Variants in DMD observed in about 807,000 individuals in gnomAD.
DMD encodes dystrophin, also known as mutant dystrophin.
DMD carries 63 observed loss-of-function variants against 330.1 expected under a neutral mutation model. The ratio of observed to expected loss-of-function variants is 0.19; its 90% CI spans 0.16 to 0.24. The LOEUF (loss-of-function observed/expected upper bound fraction) is 0.24, where lower values mean the gene tolerates loss of function less well. DMD is among the 10% of genes least tolerant of loss of function. DMD has a pLI of 1.00. For missense variants in DMD, 3,344 were observed against 2,684.1 expected (o/e 1.25, Z -5.43); for synonymous variants, 1,223 against 959.8 (o/e 1.27, Z -5.07).
At chrX:32,319,207 G>T (rs181421603) in intron 41 of DMD, among the ~76,000 whole-genome samples, 2 of 110,886 alleles carry the variant, frequency 1.8e-5, no homozygotes, top group Admixed American at 9.6e-5. Context: ...AAAGGGCTTT[G>T]GTTGCCACCA....
At chrX:31,646,193 C>T (rs970643209) in intron 54 of DMD, among the ~76,000 whole-genome samples, 4 of 110,972 alleles carry the variant, frequency 3.6e-5, no homozygotes, top group Non-Finnish European at 7.6e-5. Context: ...TAAATTTATT[C>T]GGCCTAAGAT....
chrX:31,661,152 C>T (rs1447669195), intron 53 of DMD, among the ~76,000 whole-genome samples: 1 of 111,428 alleles, frequency 9.0e-6, no homozygotes, highest in Non-Finnish European at 1.9e-5. Flanking sequence ...TAGAAATACG[C>T]GTGCCATATA....
At chrX:32,586,555 G>T (rs1270470042) in intron 13 of DMD, among the ~76,000 whole-genome samples, 1 of 109,237 alleles carries the variant, frequency 9.2e-6, no homozygotes, top group Non-Finnish European at 1.9e-5. Flanking sequence ...TATACAGATA[G>T]ATAGTATTTG....
At chrX:31,914,968 C>T (rs1257956136) in intron 47 of DMD, among the ~76,000 whole-genome samples, 1 of 112,432 alleles carries the variant, frequency 8.9e-6, no homozygotes. Context: ...TTATGCATTG[C>T]ATGCTTGTGT....
chrX:31,198,622 C>A (rs780525082), intron 67 of DMD, among the ~76,000 whole-genome samples: 50 of 112,093 alleles, frequency 4.5e-4, no homozygotes, highest in Non-Finnish European at 9.0e-4. Context: ...ACTGGCAGTG[C>A]AGGTTTGTGA....
intron 2 of DMD, among the ~76,000 whole-genome samples, chrX:32,867,651 C>T (rs1211237709): frequency 9.0e-6 from 1 of 111,677 alleles, no homozygotes; most frequent in Non-Finnish European, 1.9e-5. Context: ...ATTTTTATTT[C>T]AAAGAGGTAG....
intron 12 of DMD, among the ~76,000 whole-genome samples, chrX:32,599,611 TAG>T (rs1419816189): frequency 9.1e-6 from 1 of 109,352 alleles, no homozygotes; most frequent in Non-Finnish European, 1.9e-5. Context: ...GATGCATCCC[TAG>T]AGAAGTACAC....
chrX:31,550,594 A>G (rs933598244), intron 55 of DMD, among the ~76,000 whole-genome samples: 3 of 112,401 alleles, frequency 2.7e-5, no homozygotes, highest in Non-Finnish European at 5.6e-5. Context: ...TTTGTATTTT[A>G]ACTATTTCCA....
chrX:31,680,270 A>G (rs899195410), intron 52 of DMD, among the ~76,000 whole-genome samples: 1 of 111,644 alleles, frequency 9.0e-6, no homozygotes, highest in Non-Finnish European at 1.9e-5. Context: ...TCTTCTACTG[A>G]TTAATTTACC....
intron 55 of DMD, among the ~76,000 whole-genome samples, chrX:31,567,651 T>A (rs1262170155): frequency 2.7e-5 from 3 of 111,708 alleles, no homozygotes; most frequent in Admixed American, 1.9e-4. Context: ...CATTTATTTA[T>A]TTTAGACCTT....
chrX:32,779,996 T>C (rs2066959749), intron 7 of DMD, among the ~76,000 whole-genome samples: 1 of 111,942 alleles, frequency 8.9e-6, no homozygotes, highest in Non-Finnish European at 1.9e-5. Context: ...TTGTCATGTA[T>C]CTTCTCCCAT....
intron 2 of DMD, among the ~76,000 whole-genome samples, chrX:32,879,331 T>C (rs946761752): frequency 3.6e-5 from 4 of 111,677 alleles, no homozygotes; most frequent in Admixed American, 9.5e-5. Flanking sequence ...AGAGTCACCA[T>C]TTACATATGG....
chrX:32,945,284 A>G (rs1230132821), intron 2 of DMD, among the ~76,000 whole-genome samples: 2 of 111,575 alleles, frequency 1.8e-5, no homozygotes, highest in Non-Finnish European at 3.8e-5. Context: ...TTGATTTTCA[A>G]TAGGTTGTTA....
At chrX:32,696,234 A>G (rs1251403938) in intron 9 of DMD, among the ~76,000 whole-genome samples, 2 of 111,838 alleles carry the variant, frequency 1.8e-5, no homozygotes, top group Non-Finnish European at 3.8e-5. Context: ...GGGCAGTGAA[A>G]GCTCAGTCCT....
chrX:31,300,850 T>C (rs1055592638), intron 62 of DMD, among the ~76,000 whole-genome samples: 3 of 112,219 alleles, frequency 2.7e-5, no homozygotes, highest in African/African-American at 6.5e-5. Context: ...AACTTGGAGA[T>C]GGAGATGGAG....
intron 51 of DMD, among the ~76,000 whole-genome samples, chrX:31,754,340 T>C (rs936101046): frequency 5.4e-5 from 6 of 111,340 alleles, no homozygotes; most frequent in African/African-American, 2.0e-4. Context: ...CCGCTTGTAA[T>C]TGCTTTTGAA....
intron 17 of DMD, among the ~76,000 whole-genome samples, chrX:32,539,200 G>A (rs1344666122): frequency 1.0e-5 from 1 of 98,306 alleles, no homozygotes; most frequent in Non-Finnish European, 2.0e-5. Context: ...ACAAAAAATA[G>A]TGTCTAAAGC....
intron 50 of DMD, among the ~76,000 whole-genome samples, chrX:31,806,004 G>C (rs1260215422): frequency 1.8e-5 from 2 of 111,733 alleles, no homozygotes; most frequent in African/African-American, 6.5e-5. Flanking sequence ...TTTACAAACT[G>C]CCTATGGCTG....
intron 51 of DMD, among the ~76,000 whole-genome samples, chrX:31,766,756 T>C (rs971403153): frequency 1.8e-5 from 2 of 111,865 alleles, no homozygotes; most frequent in African/African-American, 6.5e-5. Context: ...TTTCCATTCA[T>C]AGACTTTGAA....
Sources: allele counts gnomAD v4.1 joint callset (sites outside exome capture counted in the v4.1 genomes callset), GRCh38; gene constraint gnomAD v4.1.1; transcripts MANE v1.5; gene names NCBI Gene and HGNC (gene_info 2026-07-23, HGNC 2026-07-21).